ATRNL1: variants seen among roughly 807,000 people sequenced by gnomAD.
ATRNL1 encodes the protein attractin like 1, also known as attractin-like protein 1.
A neutral mutation model predicts 182.7 loss-of-function variants in ATRNL1; 95 were observed. The ratio of observed to expected loss-of-function variants is 0.52; its 90% confidence interval spans 0.44 to 0.62. ATRNL1 has a LOEUF of 0.62. Ranked by LOEUF, ATRNL1 falls within the 20% of genes least tolerant of loss-of-function variation. The pLI, the probability that ATRNL1 is intolerant of heterozygous loss-of-function variation, is 0.00. For missense variants in ATRNL1, 1,471 were observed against 1,679.5 expected (o/e 0.88, Z 2.17); for synonymous variants, 576 against 568.3 (o/e 1.01, Z -0.19).
chr10:115,320,766 A>G (rs1488538372), intron 18 of ATRNL1, among the ~76,000 whole-genome samples: 3 of 151,138 alleles, frequency 2.0e-5, no homozygotes, highest in African/African-American at 7.3e-5. Flanking sequence ...TTCTCTCTAA[A>G]CTGGTTATTC....
chr10:115,452,558 G>A (rs756063222), intron 21 of ATRNL1, among the ~76,000 whole-genome samples: 2 of 151,796 alleles, frequency 1.3e-5, no homozygotes, highest in Non-Finnish European at 2.9e-5. Flanking sequence ...GATACAATTG[G>A]CATAGAAAAA....
intron 26 of ATRNL1, among the ~76,000 whole-genome samples, chr10:115,563,783 A>T (rs1853908375): frequency 6.6e-6 from 1 of 152,154 alleles, no homozygotes; most frequent in Non-Finnish European, 1.5e-5. Context: ...CAATAATTCA[A>T]CCACATTGTA....
chr10:115,545,703 A>G (rs969691900), intron 25 of ATRNL1, among the ~76,000 whole-genome samples: 8 of 152,226 alleles, frequency 5.3e-5, no homozygotes, highest in Non-Finnish European at 1.0e-4. Flanking sequence ...ATTATTAATC[A>G]TATAAAAATA....
At chr10:115,245,516 A>T (rs954165247) in intron 10 of ATRNL1, among the ~76,000 whole-genome samples, 1 of 151,650 alleles carries the variant, frequency 6.6e-6, no homozygotes, top group Non-Finnish European at 1.5e-5. Context: ...AAAAAAAAAA[A>T]AAAAAAATCA....
Position 115,602,196 on chromosome 10 carries a change from A to G in ATRNL1, c.3795+52660A>G, listed in dbSNP as rs1402525589. ...TGGCAAAACCCTGTCTCTACTACAG[A>G]TGCAAAAATTAGCTGGGCATGGTGG... On this transcript the variant is annotated intron_variant, in intron 26 of 28. Coordinates refer to ENST00000355044, the MANE Select transcript of ATRNL1 (RefSeq NM_207303.4). Among the ~76,000 whole-genome samples, 3 of 152,076 alleles carry G rather than the reference A, an allele frequency of 2.0e-5. No individual in the cohort carries two copies. The East Asian group carries it at 5.8e-4, about 29-fold the overall frequency.
intron 25 of ATRNL1, among the ~76,000 whole-genome samples, chr10:115,546,544 G>A (rs1554993775): frequency 6.6e-6 from 1 of 150,768 alleles, no homozygotes; most frequent in African/African-American, 2.5e-5. Context: ...TCCAGCCTGG[G>A]CAACAGAGTG....
intron 26 of ATRNL1, among the ~76,000 whole-genome samples, chr10:115,636,774 T>C (rs1858902929): frequency 6.6e-6 from 1 of 152,192 alleles, no homozygotes; most frequent in East Asian, 1.9e-4. Context: ...AGCAATATTA[T>C]TCACAGTAAA....
intron 10 of ATRNL1, among the ~76,000 whole-genome samples, chr10:115,261,016 A>C (rs782775083): frequency 6.6e-6 from 1 of 152,120 alleles, no homozygotes; most frequent in Non-Finnish European, 1.5e-5. Context: ...AAAAGAGCCT[A>C]CTGAGCCCCA....
At chr10:115,562,210 A>T (rs1326576000) in intron 26 of ATRNL1, among the ~76,000 whole-genome samples, 2 of 152,178 alleles carry the variant, frequency 1.3e-5, no homozygotes, top group African/African-American at 4.8e-5. Flanking sequence ...TGAAGTACTG[A>T]TGCATGTTAT....
Position 115,549,450 on chromosome 10 carries a change from T to C in ATRNL1, c.3717-8T>C. On this transcript the variant is annotated splice_region_variant and splice_polypyrimidine_tract_variant and intron_variant, in intron 25 of 28. Transcript: ENST00000355044. ...TTGAGCAAAAATTATTTGTGTTTTA[T>C]TTTCCAGTTGTTTCCTATCCTTATT... 1 of 1,583,486 alleles carries C rather than the reference T, an allele frequency of 6.3e-7. No individual in the cohort carries two copies. Among genetic ancestry groups the C allele is most frequent in the Non-Finnish European group, 8.6e-7 (1 of 1,165,446 alleles).
rs538758202 is a variant in ATRNL1 at position 115,597,219 on chromosome 10, A to C, written c.3795+47683A>C. Among the ~76,000 whole-genome samples the C allele has an allele frequency of 1.4e-3, 208 of 152,300 alleles. 1 individual carries two copies. Among genetic ancestry groups the C allele is most frequent in the African/African-American group, 4.7e-3 (195 of 41,590 alleles). ...CAGTAGACGAATGGTTACCAAAATG[A>C]TTTGAGGCTCTAGTGAATCATGTAA... On this transcript the variant is annotated intron_variant, in intron 26 of 28. Transcript: ENST00000355044.
At chr10:115,612,150 G>A (rs564262860) in intron 26 of ATRNL1, among the ~76,000 whole-genome samples, 2 of 152,186 alleles carry the variant, frequency 1.3e-5, no homozygotes, top group East Asian at 3.9e-4. Context: ...TACTTGGGAG[G>A]CTGAGGCAGG....
At chr10:115,201,367 T>A (rs564315147) in intron 8 of ATRNL1, among the ~76,000 whole-genome samples, 3 of 152,204 alleles carry the variant, frequency 2.0e-5, no homozygotes, top group South Asian at 2.1e-4. Flanking sequence ...GTTTTAGGTC[T>A]AACATTTAAG....
At chr10:115,883,098 G>A (rs782497584) in intron 28 of ATRNL1, among the ~76,000 whole-genome samples, 11 of 152,176 alleles carry the variant, frequency 7.2e-5, no homozygotes, top group Admixed American at 3.3e-4. Flanking sequence ...AGGCACCAGC[G>A]CTGGGCAGGG....
intron 26 of ATRNL1, among the ~76,000 whole-genome samples, chr10:115,678,563 G>GT (rs1945942582): frequency 6.6e-6 from 1 of 152,064 alleles, no homozygotes; most frequent in South Asian, 2.1e-4. Flanking sequence ...TTGTAACTGT[G>GT]TTTAATATCA....
At chr10:115,186,845 G>T (rs1554888843) in intron 8 of ATRNL1, among the ~76,000 whole-genome samples, 1 of 152,078 alleles carries the variant, frequency 6.6e-6, no homozygotes, top group Non-Finnish European at 1.5e-5. Flanking sequence ...TGGATTATTT[G>T]TGTCAAAGAA....
At chr10:115,469,094 A>T (rs1554971510) in intron 23 of ATRNL1, 78 bp from the exon 24 acceptor site, 1 of 494,232 alleles carries the variant, frequency 2.0e-6, no homozygotes, top group Admixed American at 4.6e-5. Flanking sequence ...AAGAGCAATT[A>T]TAAAAAACTA....
At chr10:115,127,490 C>T (rs1381432964) in intron 3 of ATRNL1, 103 bp from the exon 4 acceptor site, 8 of 921,716 alleles carry the variant, frequency 8.7e-6, no homozygotes, top group Non-Finnish European at 1.3e-5. Context: ...TTCTGACGTA[C>T]AAGCATTACT....
intron 21 of ATRNL1, among the ~76,000 whole-genome samples, chr10:115,440,246 A>G (rs782290721): frequency 3.3e-5 from 5 of 151,936 alleles, no homozygotes; most frequent in African/African-American, 4.8e-5. Flanking sequence ...CCTGAAATCA[A>G]CTAGTTCCCA....
Sources: gnomAD v4.1 joint callset for allele counts (sites outside exome capture counted in the v4.1 genomes callset) on GRCh38, gnomAD v4.1.1 for gene constraint, MANE v1.5 for transcripts, NCBI Gene and HGNC (gene_info 2026-07-23, HGNC 2026-07-21) for gene names.